Variants in ATP2B2 observed in about 807,000 individuals in gnomAD.
ATP2B2 encodes plasma membrane calcium-transporting ATPase 2.
Under a neutral mutation model 120.0 loss-of-function variants are expected in ATP2B2, and 15 were observed. That is an observed-to-expected ratio of 0.12 (90% CI 0.08 to 0.19). The LOEUF is 0.19. ATP2B2 is among the 10% of genes least tolerant of loss of function. The pLI is 1.00. For synonymous variants in ATP2B2, 694 were observed against 700.3 expected, an observed-to-expected ratio of 0.99 and a Z score of 0.14; for missense variants, 1,045 against 1,719.8, an observed-to-expected ratio of 0.61 and a Z score of 6.94.
At chr3:10,391,704 T>A (rs530584983) in intron 5 of ATP2B2, among the ~76,000 whole-genome samples, 1 of 152,052 alleles carries the variant, frequency 6.6e-6, no homozygotes, top group Non-Finnish European at 1.5e-5. Flanking sequence ...GCATCTACAA[T>A]CCCCAGTCCT....
intron 5 of ATP2B2, among the ~76,000 whole-genome samples, chr3:10,389,034 T>C (rs1016250487): frequency 6.6e-6 from 1 of 151,452 alleles, no homozygotes; most frequent in Non-Finnish European, 1.5e-5. Flanking sequence ...AGGCTTTATT[T>C]GGAATAGGTG....
At chr3:10,486,324 CGTGTGTGT>C (rs1553616064) in intron 1 of ATP2B2, among the ~76,000 whole-genome samples, 2 of 117,086 alleles carry the variant, frequency 1.7e-5, no homozygotes, top group African/African-American at 5.3e-5. Flanking sequence ...TGTGTGCGTG[CGTGTGTGT>C]GTGTGTGTGT....
chr3:10,337,054 T>C (rs2060136283), intron 22 of ATP2B2, among the ~76,000 whole-genome samples: 1 of 152,136 alleles, frequency 6.6e-6, no homozygotes, highest in Non-Finnish European at 1.5e-5. Flanking sequence ...CAGGCCCGTG[T>C]CAGGCACCTC....
intron 2 of ATP2B2, among the ~76,000 whole-genome samples, chr3:10,556,125 C>G (rs1315048331): frequency 6.6e-6 from 1 of 152,210 alleles, no homozygotes; most frequent in Non-Finnish European, 1.5e-5. Flanking sequence ...GTCTCAAACT[C>G]CGGACCTGAA....
In ATP2B2 at chr3:10,435,215, C is replaced by T. The variant is rs557769588; in HGVS notation, c.199+14130G>A. Among the ~76,000 whole-genome samples the T allele has an allele frequency of 8.5e-5, 13 of 152,302 alleles. 1 individual carries two copies. In the South Asian group the frequency reaches 1.2e-3, roughly 15 times the overall value. On this transcript the variant is annotated intron_variant, in intron 2 of 22. Transcript: ENST00000360273. ...TGACACAAGGTGGTCACCCCCCAAC[C>T]GGACCATTACCGGAGCATGGGGCAG...
intron 2 of ATP2B2, among the ~76,000 whole-genome samples, chr3:10,553,602 G>A (rs368671887): frequency 6.5e-4 from 99 of 152,322 alleles, no homozygotes; most frequent in African/African-American, 2.2e-3. Context: ...TGATCCCCAT[G>A]TTGTGGGGGA....
intron 14 of ATP2B2, among the ~76,000 whole-genome samples, chr3:10,354,974 C>T (rs1225742204): frequency 6.6e-6 from 1 of 152,122 alleles, no homozygotes; most frequent in Non-Finnish European, 1.5e-5. Context: ...AACACGGCCA[C>T]CATAAGCACA....
At chr3:10,697,031 G>A (rs1216026134) in intron 1 of ATP2B2, among the ~76,000 whole-genome samples, 1 of 152,160 alleles carries the variant, frequency 6.6e-6, no homozygotes, top group African/African-American at 2.4e-5. Flanking sequence ...ACAGGGAAGG[G>A]AGTGTTTTCC....
intron 3 of ATP2B2, among the ~76,000 whole-genome samples, chr3:10,530,061 T>G (rs1413458849): frequency 6.6e-6 from 1 of 152,194 alleles, no homozygotes; most frequent in Non-Finnish European, 1.5e-5. Flanking sequence ...TCTGTTAGTT[T>G]GTGGTCATGT....
intron 2 of ATP2B2, among the ~76,000 whole-genome samples, chr3:10,579,948 C>T (rs985233561): frequency 3.3e-5 from 5 of 152,148 alleles, no homozygotes; most frequent in African/African-American, 7.2e-5. Context: ...AAGTTTCTAA[C>T]GCCTCCTGGC....
At chr3:10,603,249 G>A (rs17033195) in intron 2 of ATP2B2, among the ~76,000 whole-genome samples, 13,592 of 152,208 alleles carry the variant, frequency 0.089, 923 homozygotes, top group South Asian at 0.31. Flanking sequence ...TAAATGAGCC[G>A]ATGCCTCTAA....
In ATP2B2 at chr3:10,336,523, C is replaced by T. The variant is rs184014514; in HGVS notation, c.3420+1653G>A. On this transcript the variant is annotated intron_variant, in intron 22 of 22. Transcript: ENST00000360273. ...GGTCCCCGGGAGGACACAGGGGGTC[C>T]GGCCTTTGTCCTGTGCTAGTGGCTC... 9.2e-5 allele frequency among the ~76,000 whole-genome samples: 14 copies of T among 152,310 alleles called. No individual in the cohort carries two copies. In the East Asian group the frequency reaches 1.7e-3, roughly 19 times the overall value.
chr3:10,537,646 A>G (rs898794705), intron 2 of ATP2B2, among the ~76,000 whole-genome samples: 1 of 151,980 alleles, frequency 6.6e-6, no homozygotes, highest in African/African-American at 2.4e-5. Context: ...GGAGAGTTTT[A>G]TTTCTTCCTT....
intron 1 of ATP2B2, among the ~76,000 whole-genome samples, chr3:10,471,676 C>T (rs528538597): frequency 2.0e-5 from 3 of 151,700 alleles, no homozygotes; most frequent in South Asian, 2.1e-4. Flanking sequence ...AGGAAGGTGA[C>T]GAATATGTTA....
At chr3:10,409,001 G>A (rs1051091217) in intron 3 of ATP2B2, among the ~76,000 whole-genome samples, 1 of 152,184 alleles carries the variant, frequency 6.6e-6, no homozygotes, top group South Asian at 2.1e-4. Context: ...CCTTGGTTTC[G>A]TGGATAATAA....
intron 2 of ATP2B2, among the ~76,000 whole-genome samples, chr3:10,415,610 G>T (rs1295395826): frequency 6.6e-6 from 1 of 152,186 alleles, no homozygotes; most frequent in Non-Finnish European, 1.5e-5. Flanking sequence ...CCCTTCCCAG[G>T]AGCTGAATCT....
chr3:10,542,853 A>C (rs1016432956), intron 2 of ATP2B2, among the ~76,000 whole-genome samples: 2 of 152,080 alleles, frequency 1.3e-5, no homozygotes, highest in African/African-American at 4.8e-5. Context: ...CAGCTTCCTG[A>C]ATCTGTAGGG....
chr3:10,582,672 G>C (rs1419706932), intron 2 of ATP2B2, among the ~76,000 whole-genome samples: 1 of 152,228 alleles, frequency 6.6e-6, no homozygotes, highest in Non-Finnish European at 1.5e-5. Flanking sequence ...AGTAAGATCT[G>C]GGAAGTGTGC....
chr3:10,688,359 A>C (rs919914184), intron 1 of ATP2B2, among the ~76,000 whole-genome samples: 3 of 152,182 alleles, frequency 2.0e-5, no homozygotes, highest in African/African-American at 4.8e-5. Flanking sequence ...TTTCAAGGGG[A>C]GACACTGGCC....
Sources: allele counts gnomAD v4.1 joint callset (sites outside exome capture counted in the v4.1 genomes callset), GRCh38; gene constraint gnomAD v4.1.1; transcripts MANE v1.5; gene names NCBI Gene and HGNC (gene_info 2026-07-23, HGNC 2026-07-21).